The following PRAG1 variants were observed in gnomAD, a reference collection of about 807,000 sequenced individuals.
PRAG1 encodes PEAK1 related, kinase-activating pseudokinase 1, also known as inactive tyrosine-protein kinase PRAG1.
PRAG1 carries 110 observed loss-of-function variants against 95.6 expected under a neutral mutation model. That is an observed-to-expected ratio of 1.15 (90% confidence interval 0.99 to 1.35). The LOEUF (loss-of-function observed/expected upper bound fraction) is 1.35, where lower values mean the gene tolerates loss of function less well. Ranked by LOEUF, PRAG1 falls within the 40% of genes most tolerant of loss-of-function variation. The pLI, the probability that PRAG1 is intolerant of heterozygous loss-of-function variation, is 0.00. For missense variants in PRAG1, 2,554 were observed against 1,864.7 expected (o/e 1.37, Z -6.81); for synonymous variants, 1,052 against 819.4 (o/e 1.28, Z -4.85).
chr8:8,330,108 G>C lies in PRAG1; in HGVS notation c.2321-1647C>G, dbSNP rs113352127. 7.5e-3 allele frequency among the ~76,000 whole-genome samples: 1,137 copies of C among 152,302 alleles called. 14 individuals carry two copies. The highest frequency in any genetic ancestry group is 0.026 in the African/African-American group (1,099 of 41,558). ...GGGCTGGGCACGGTGGCTTATGCCTGTAATCTCAGCACTTTGGGAGGCCAA... is the reference window on the plus strand; with the variant it reads ...GGGCTGGGCACGGTGGCTTATGCCTCTAATCTCAGCACTTTGGGAGGCCAA... On this transcript the variant is annotated intron_variant, in intron 4 of 5. Transcript: ENST00000615670.
intron 5 of PRAG1, among the ~76,000 whole-genome samples, chr8:8,326,488 G>A (rs1312133313): frequency 6.6e-6 from 1 of 152,002 alleles, no homozygotes; most frequent in African/African-American, 2.4e-5. Flanking sequence ...GAAGGGCCAG[G>A]GTCTCAATAG....
At chr8:8,349,261 T>A (rs768609710) in intron 3 of PRAG1, among the ~76,000 whole-genome samples, 36 of 145,998 alleles carry the variant, frequency 2.5e-4, no homozygotes, top group Non-Finnish European at 4.6e-4. Flanking sequence ...TATTTATCTA[T>A]CTATCTATTT....
chr8:8,319,750 AAAAC>A (rs557409074), intron 5 of PRAG1, among the ~76,000 whole-genome samples: 7 of 152,236 alleles, frequency 4.6e-5, no homozygotes, highest in East Asian at 3.8e-4. Context: ...CATGGAGGAA[AAAAC>A]AAACAAACAA....
intron 3 of PRAG1, among the ~76,000 whole-genome samples, chr8:8,351,394 AG>A (rs1323118056): frequency 6.6e-6 from 1 of 152,200 alleles, no homozygotes; most frequent in Non-Finnish European, 1.5e-5. Context: ...CATGAGATTT[AG>A]GTGGGGACAC....
In PRAG1 at chr8:8,385,931, C is replaced by A. The variant is rs13438847; in HGVS notation, c.-88+390G>T. Among the ~76,000 whole-genome samples the A allele has an allele frequency of 2.6e-3, 399 of 152,208 alleles. 3 individuals carry two copies. Among genetic ancestry groups the A allele is most frequent in the African/African-American group, 9.3e-3 (386 of 41,540 alleles). On this transcript the variant is annotated intron_variant, in intron 1 of 5. Coordinates refer to ENST00000615670, the MANE Select transcript of PRAG1 (RefSeq NM_001080826.3). Reference sequence around the variant, plus strand: ...AGCAGCCAGGCGGCCTTCCGTCTCTCCCCCTTGACAATACTCTAGCGGTGG... The same window carrying A: ...AGCAGCCAGGCGGCCTTCCGTCTCTACCCCTTGACAATACTCTAGCGGTGG...
intron 2 of PRAG1, among the ~76,000 whole-genome samples, chr8:8,381,173 A>G (rs1800630504): frequency 6.6e-6 from 1 of 152,210 alleles, no homozygotes; most frequent in East Asian, 1.9e-4. Context: ...TGTCTGCCCT[A>G]CACAGTCTGC....
At chr8:8,358,347 C>G (rs889998256) in intron 3 of PRAG1, among the ~76,000 whole-genome samples, 1 of 152,174 alleles carries the variant, frequency 6.6e-6, no homozygotes, top group Non-Finnish European at 1.5e-5. Flanking sequence ...ACTCTCTGAA[C>G]TCTGTCCTCT....
chr8:8,364,303 T>C lies in PRAG1; in HGVS notation c.2162+11944A>G, dbSNP rs191496616. On this transcript the variant is annotated intron_variant, in intron 3 of 5. Transcript: ENST00000615670. ...TAGCTCTTCAAATTCTTGCCCTGCA[T>C]TTAGCTTTTCCCTCCTGTTAACTGC... 3.6e-4 allele frequency among the ~76,000 whole-genome samples: 55 copies of C among 152,350 alleles called. No individual in the cohort carries two copies. In the East Asian group the frequency reaches 4.1e-3, roughly 11 times the overall value.
In PRAG1 at chr8:8,318,646, G is replaced by T; in HGVS notation, c.3729C>A (p.Ile1243=). The T allele has an allele frequency of 6.2e-7, 1 of 1,612,314 alleles. No individual in the cohort carries two copies. The highest frequency in any genetic ancestry group is 1.1e-5 in the South Asian group (1 of 91,050). The part of the protein sequence containing the change: ...KKSQARLAPE[I]VSASQYRKFD... ...ACTTGCGGTACTGGGAAGCAGACAC[G>T]ATCTCGGGGGCCAGCCGGGCCTGGC... The change falls in exon 6 of 6, where the codon ATC becomes ATA. Residue 1243 remains isoleucine, a synonymous_variant. Transcript: ENST00000615670. The surrounding 1 kb of genome is among the most constrained non-coding windows in gnomAD (Gnocchi z 4.2).
At chr8:8,353,071 A>G (rs1799575382) in intron 3 of PRAG1, among the ~76,000 whole-genome samples, 1 of 152,252 alleles carries the variant, frequency 6.6e-6, no homozygotes, top group Non-Finnish European at 1.5e-5. Flanking sequence ...TATAAAAAGC[A>G]AATATTAATG....
At chr8:8,355,764 C>A (rs1018189582) in intron 3 of PRAG1, among the ~76,000 whole-genome samples, 10 of 149,698 alleles carry the variant, frequency 6.7e-5, no homozygotes, top group African/African-American at 2.5e-4. Flanking sequence ...ATATCATACA[C>A]AAACATAAAC....
intron 3 of PRAG1, among the ~76,000 whole-genome samples, chr8:8,357,111 A>G (rs1260076966): frequency 6.6e-6 from 1 of 152,218 alleles, no homozygotes; most frequent in Admixed American, 6.5e-5. Context: ...AAACTTAATG[A>G]CATTGGATTT....
At chr8:8,344,883 C>A (rs1021710151) in intron 3 of PRAG1, among the ~76,000 whole-genome samples, 3 of 152,128 alleles carry the variant, frequency 2.0e-5, no homozygotes, top group African/African-American at 7.2e-5. Context: ...ACCCCTGTGG[C>A]TGGAAACAGT....
At chr8:8,376,109 G>T in intron 3 of PRAG1, 138 bp downstream of exon 3, 1 of 1,225,716 alleles carries the variant, frequency 8.2e-7, no homozygotes, top group Non-Finnish European at 1.1e-6. Context: ...CTGGGACCCT[G>T]GGAAATTTAC....
chr8:8,356,950 G>A (rs898292010), intron 3 of PRAG1, among the ~76,000 whole-genome samples: 5 of 152,172 alleles, frequency 3.3e-5, no homozygotes, highest in South Asian at 2.1e-4. Flanking sequence ...TCTTTTCAAC[G>A]AATGGTGCTG....
At chr8:8,382,543 G>C (rs928034254) in intron 1 of PRAG1, among the ~76,000 whole-genome samples, 2 of 152,190 alleles carry the variant, frequency 1.3e-5, no homozygotes, top group Admixed American at 1.3e-4. Context: ...GGGCAAACCA[G>C]TAGTAAGACA....
intron 5 of PRAG1, among the ~76,000 whole-genome samples, chr8:8,325,507 G>A (rs1236579367): frequency 6.6e-6 from 1 of 152,136 alleles, no homozygotes. Context: ...ACATTCTTAA[G>A]GAAAGTTAAA....
chr8:8,348,714 G>T (rs1193387310), intron 3 of PRAG1, among the ~76,000 whole-genome samples: 4 of 152,076 alleles, frequency 2.6e-5, no homozygotes, highest in Admixed American at 2.6e-4. Context: ...AACTATTTCA[G>T]TCTTCTCTGA....
chr8:8,358,870 G>T (rs1010546409), intron 3 of PRAG1, among the ~76,000 whole-genome samples: 1 of 152,182 alleles, frequency 6.6e-6, no homozygotes, highest in African/African-American at 2.4e-5. Context: ...GGTAAAGACA[G>T]TGCTAAACAA....
Sources: allele counts gnomAD v4.1 joint callset (sites outside exome capture counted in the v4.1 genomes callset), GRCh38; gene constraint gnomAD v4.1.1; non-coding constraint Gnocchi (gnomAD v3.1); transcripts MANE v1.5; gene names NCBI Gene and HGNC (gene_info 2026-07-23, HGNC 2026-07-21).